SARDH: variants seen among roughly 807,000 people sequenced by gnomAD.
The protein encoded by SARDH is sarcosine dehydrogenase.
A neutral mutation model predicts 109.1 loss-of-function variants in SARDH; 95 were observed. The ratio of observed to expected loss-of-function variants is 0.87; its 90% confidence interval spans 0.74 to 1.03. The LOEUF is 1.03. SARDH is among the 50% of genes least tolerant of loss of function. The pLI is 0.00. For missense variants in SARDH, 1,267 were observed against 1,287.8 expected, an observed-to-expected ratio of 0.98 and a Z score of 0.25; for synonymous variants, 572 against 534.8, an observed-to-expected ratio of 1.07 and a Z score of -0.96.
At chr9:133,685,561 G>C (rs958324400) in intron 16 of SARDH, among the ~76,000 whole-genome samples, 1 of 152,144 alleles carries the variant, frequency 6.6e-6, no homozygotes, top group Non-Finnish European at 1.5e-5. Context: ...TTCTTAGATG[G>C]GGAAGTGAGG....
At chr9:133,730,460 G>A (rs1332532436) in intron 4 of SARDH, among the ~76,000 whole-genome samples, 1 of 40,866 alleles carries the variant, frequency 2.4e-5, no homozygotes. Flanking sequence ...AAAAGTAGCT[G>A]ACTTTTTTTT....
intron 13 of SARDH, 21 bp downstream of exon 13, chr9:133,702,895 C>T: frequency 1.2e-6 from 2 of 1,606,188 alleles, no homozygotes; most frequent in Non-Finnish European, 1.7e-6. Context: ...CGGACCCCCA[C>T]GGTGGACCCC....
intron 11 of SARDH, 126 bp downstream of exon 11, chr9:133,708,161 G>C: frequency 8.8e-7 from 1 of 1,139,768 alleles, no homozygotes. Context: ...CCTGGGGAAT[G>C]ACAGACACCT....
At chr9:133,714,163 C>G (rs1213707742) in intron 8 of SARDH, among the ~76,000 whole-genome samples, 5 of 151,988 alleles carry the variant, frequency 3.3e-5, no homozygotes, top group African/African-American at 1.2e-4. Flanking sequence ...GGGGATGGCT[C>G]CAAGTCTGGG....
chr9:133,720,256 A>C (rs964329325), intron 6 of SARDH, among the ~76,000 whole-genome samples: 1 of 150,284 alleles, frequency 6.7e-6, no homozygotes, highest in African/African-American at 2.5e-5. Context: ...GTGAAACCCC[A>C]TCTCTACTAA....
At chr9:133,667,120 TG>T (rs1830101502) in intron 19 of SARDH, 2 of 593,516 alleles carry the variant, frequency 3.4e-6, no homozygotes, top group Non-Finnish European at 6.0e-6. Context: ...TGGACTTTGC[TG>T]TTTCCAGAAG....
chr9:133,725,811 T>C (rs1832470948), intron 6 of SARDH: 1 of 227,692 alleles, frequency 4.4e-6, no homozygotes, highest in African/African-American at 2.3e-5. Context: ...AGGCATGGCG[T>C]GTGGACTCCT....
At chr9:133,685,738 C>G (rs1554748447) in intron 16 of SARDH, among the ~76,000 whole-genome samples, 1 of 152,054 alleles carries the variant, frequency 6.6e-6, no homozygotes, top group Non-Finnish European at 1.5e-5. Context: ...AGCCACGGCC[C>G]GAGAGAGGAG....
chr9:133,723,656 G>T (rs908431500), intron 6 of SARDH, among the ~76,000 whole-genome samples: 1 of 152,162 alleles, frequency 6.6e-6, no homozygotes, highest in Non-Finnish European at 1.5e-5. Flanking sequence ...CCAGCTACTC[G>T]GGAGGCTGAG....
rs1278897502 is a variant in SARDH at position 133,728,662 on chromosome 9, C to A, written c.915+1103G>T. Among the ~76,000 whole-genome samples, 1 of 152,186 alleles carries A rather than the reference C, an allele frequency of 6.6e-6. No homozygotes were observed. The highest frequency in any genetic ancestry group is 2.4e-5 in the African/African-American group (1 of 41,428). ...TGCACATGTACTTGTCTGTACCTCCCCCCAGCTCTACCCAGCAAGAACTAG... is the reference window on the plus strand; with the variant it reads ...TGCACATGTACTTGTCTGTACCTCCACCCAGCTCTACCCAGCAAGAACTAG... On this transcript the variant is annotated intron_variant, in intron 6 of 20. Transcript: ENST00000439388. This position sits in a 1 kb window ranked among gnomAD's most constrained non-coding sequence, Gnocchi z 5.0.
chr9:133,689,836 G>T (rs1724074976), intron 16 of SARDH, among the ~76,000 whole-genome samples: 1 of 152,196 alleles, frequency 6.6e-6, no homozygotes, highest in Non-Finnish European at 1.5e-5. Context: ...CTCTTCTGTG[G>T]CTGTGTGCAT....
chr9:133,721,162 A>G (rs963397250), intron 6 of SARDH, among the ~76,000 whole-genome samples: 9 of 152,202 alleles, frequency 5.9e-5, no homozygotes, highest in African/African-American at 2.2e-4. Context: ...ACGCATTCAT[A>G]TGGAAGGGCC....
chr9:133,733,782 G>A (rs761957422), intron 2 of SARDH, 61 bp downstream of exon 2: 25 of 1,372,052 alleles, frequency 1.8e-5, no homozygotes, highest in Non-Finnish European at 2.4e-5. Context: ...AGCTAGCAAT[G>A]GGCTGTGGCC....
downstream of SARDH, among the ~76,000 whole-genome samples, chr9:133,660,714 C>G (rs1206337538): frequency 1.4e-4 from 22 of 152,036 alleles, no homozygotes; most frequent in Non-Finnish European, 2.6e-4. Flanking sequence ...GGTGGCACAA[C>G]CCCCCATCTG....
rs977345070 is a variant in SARDH at position 133,666,162 on chromosome 9, G to C, written c.2631+573C>G. ...AGCCAGGGGTCAGGGTCACCTGGAGGGGGTGGGGTTGCCTGGGGTCAGGGG... is the reference window on the plus strand; with the variant it reads ...AGCCAGGGGTCAGGGTCACCTGGAGCGGGTGGGGTTGCCTGGGGTCAGGGG... On this transcript the variant is annotated intron_variant, in intron 20 of 20. Transcript: ENST00000439388. The surrounding 1 kb of genome is among the most constrained non-coding windows in gnomAD (Gnocchi z 5.2). 3.9e-5 allele frequency among the ~76,000 whole-genome samples: 6 copies of C among 152,276 alleles called. 1 individual carries two copies. The highest frequency in any genetic ancestry group is 6.8e-3 in the Middle Eastern group (2 of 294).
intron 16 of SARDH, 110 bp from the exon 17 acceptor site, chr9:133,685,396 A>T: frequency 1.4e-6 from 1 of 719,286 alleles, no homozygotes; most frequent in South Asian, 1.8e-5. Context: ...TCCTCATGAG[A>T]CAGATGACAA....
chr9:133,723,720 A>G (rs937835652), intron 6 of SARDH, among the ~76,000 whole-genome samples: 2 of 152,218 alleles, frequency 1.3e-5, no homozygotes, highest in African/African-American at 4.8e-5. Flanking sequence ...CAGAGATCAC[A>G]CCACTGCACT....
At position 133,709,356 on chromosome 9, in the gene SARDH, T is replaced by C. The variant is rs937134065; in HGVS notation, c.1329-928A>G. Among the ~76,000 whole-genome samples, 1 of 152,100 alleles carries C rather than the reference T, an allele frequency of 6.6e-6. No individual in the cohort carries two copies. The highest frequency in any genetic ancestry group is 1.5e-5 in the Non-Finnish European group (1 of 68,012). ...CAGCCACCCGTCCCGAATCCGACAG[T>C]GCGGAACTGCTGGCTGGAGTGAGAC... On this transcript the variant is annotated intron_variant, in intron 10 of 20. Transcript: ENST00000439388. This position sits in a 1 kb window ranked among gnomAD's most constrained non-coding sequence, Gnocchi z 4.2.
chr9:133,699,423 T>C (rs369671376), intron 13 of SARDH, among the ~76,000 whole-genome samples: 1 of 152,218 alleles, frequency 6.6e-6, no homozygotes, highest in East Asian at 1.9e-4. Flanking sequence ...GGAGCATTGC[T>C]TGAACCCAGG....
Sources: allele counts gnomAD v4.1 joint callset (sites outside exome capture counted in the v4.1 genomes callset), GRCh38; gene constraint gnomAD v4.1.1; non-coding constraint Gnocchi (gnomAD v3.1); transcripts MANE v1.5; gene names NCBI Gene and HGNC (gene_info 2026-07-23, HGNC 2026-07-21).